Variants in ARHGAP15 observed in about 807,000 individuals in gnomAD.
The protein encoded by ARHGAP15 is rho GTPase-activating protein 15.
ARHGAP15 carries 51 observed loss-of-function variants against 63.7 expected under a neutral mutation model. The ratio of observed to expected loss-of-function variants is 0.80; its 90% CI spans 0.64 to 1.01. The LOEUF is 1.01. Among genes scored for constraint, ARHGAP15 ranks in the 50% least tolerant of loss-of-function variants. The pLI is 0.00. For synonymous variants in ARHGAP15, 191 were observed against 193.8 expected (o/e 0.99, Z 0.12); for missense variants, 560 against 564.6 (o/e 0.99, Z 0.08).
intron 6 of ARHGAP15, among the ~76,000 whole-genome samples, chr2:143,315,733 C>A (rs1219912931): frequency 6.6e-6 from 1 of 152,038 alleles, no homozygotes; most frequent in Non-Finnish European, 1.5e-5. Context: ...TAAAAAATGA[C>A]AAGTCGTGTT....
chr2:143,371,399 C>A (rs1686543894), intron 6 of ARHGAP15, among the ~76,000 whole-genome samples: 2 of 152,168 alleles, frequency 1.3e-5, no homozygotes, highest in Non-Finnish European at 2.9e-5. Context: ...TCTAGAGTTT[C>A]TACATGAGAC....
intron 13 of ARHGAP15, among the ~76,000 whole-genome samples, chr2:143,764,117 G>A (rs548395462): frequency 9.8e-4 from 149 of 152,178 alleles, no homozygotes; most frequent in African/African-American, 3.3e-3. Flanking sequence ...AATGGAAAAC[G>A]TGCAGGGAAA....
intron 2 of ARHGAP15, among the ~76,000 whole-genome samples, chr2:143,198,959 C>T (rs905289565): frequency 6.6e-6 from 1 of 152,074 alleles, no homozygotes; most frequent in African/African-American, 2.4e-5. Context: ...GGAACTCTTC[C>T]ACTCTTGAAA....
intron 2 of ARHGAP15, among the ~76,000 whole-genome samples, chr2:143,157,725 T>G (rs1448879800): frequency 6.6e-6 from 1 of 151,750 alleles, no homozygotes; most frequent in Non-Finnish European, 1.5e-5. Flanking sequence ...CATCTCTTTT[T>G]TCCATGCACA....
intron 10 of ARHGAP15, among the ~76,000 whole-genome samples, chr2:143,544,982 C>A (rs1026344594): frequency 6.6e-6 from 1 of 152,188 alleles, no homozygotes; most frequent in Non-Finnish European, 1.5e-5. Context: ...TGGTTAGGAG[C>A]ACCTTCTTCT....
chr2:143,739,964 C>A (rs1343694928), intron 13 of ARHGAP15, among the ~76,000 whole-genome samples: 1 of 152,186 alleles, frequency 6.6e-6, no homozygotes, highest in Non-Finnish European at 1.5e-5. Context: ...TCTGCCCCAA[C>A]ACTCTACTTT....
intron 2 of ARHGAP15, among the ~76,000 whole-genome samples, chr2:143,191,068 C>T (rs1431892435): frequency 6.6e-6 from 1 of 152,208 alleles, no homozygotes; most frequent in Middle Eastern, 3.2e-3. Context: ...CGCACCCGGC[C>T]CACCTATCTA....
At chr2:143,153,843 T>TTCCTCTTCCTCCTCCTCCTCCTCCTCC (rs1558779624) in intron 1 of ARHGAP15, among the ~76,000 whole-genome samples, 5 of 86,892 alleles carry the variant, frequency 5.8e-5, no homozygotes, top group African/African-American at 2.4e-4. Flanking sequence ...CTTCTTCTTC[T>TTCCTCTTCCTCCTCCTCCTCCTCCTCC]TCCTCCTCCT....
At chr2:143,362,634 C>T (rs549245227) in intron 6 of ARHGAP15, among the ~76,000 whole-genome samples, 1 of 152,278 alleles carries the variant, frequency 6.6e-6, no homozygotes, top group South Asian at 2.1e-4. Flanking sequence ...GCATCTTAAA[C>T]TAACAAGACT....
At chr2:143,290,328 G>A (rs989492925) in intron 6 of ARHGAP15, among the ~76,000 whole-genome samples, 3 of 151,994 alleles carry the variant, frequency 2.0e-5, no homozygotes, top group Non-Finnish European at 4.4e-5. Flanking sequence ...AAGCGCTTAC[G>A]GCTGGTAATG....
At chr2:143,193,935 T>C (rs970157254) in intron 2 of ARHGAP15, among the ~76,000 whole-genome samples, 1 of 152,240 alleles carries the variant, frequency 6.6e-6, no homozygotes, top group African/African-American at 2.4e-5. Context: ...GTAAACTTCC[T>C]ATTTCAACGA....
intron 6 of ARHGAP15, among the ~76,000 whole-genome samples, chr2:143,272,794 CCT>C (rs1222426125): frequency 6.6e-6 from 1 of 152,164 alleles, no homozygotes; most frequent in Non-Finnish European, 1.5e-5. Context: ...TAAGGCCTGA[CCT>C]CTTTTGTTTT....
At chr2:143,135,929 C>A (rs906355687) in intron 1 of ARHGAP15, among the ~76,000 whole-genome samples, 4 of 152,128 alleles carry the variant, frequency 2.6e-5, no homozygotes, top group African/African-American at 7.2e-5. Flanking sequence ...AAGACCAAAT[C>A]TTTTCTCTTA....
chr2:143,273,255 CTTTCA>C (rs1181575945), intron 6 of ARHGAP15, among the ~76,000 whole-genome samples: 1 of 151,974 alleles, frequency 6.6e-6, no homozygotes, highest in Non-Finnish European at 1.5e-5. Flanking sequence ...GGTGGGAATA[CTTTCA>C]TTTAACAAAT....
intron 6 of ARHGAP15, among the ~76,000 whole-genome samples, chr2:143,406,702 A>G (rs887336525): frequency 6.6e-6 from 1 of 151,952 alleles, no homozygotes; most frequent in African/African-American, 2.4e-5. Context: ...GACTACTTCT[A>G]TGGTAGCACT....
At chr2:143,666,143 G>A (rs1199330836) in intron 12 of ARHGAP15, among the ~76,000 whole-genome samples, 10 of 151,546 alleles carry the variant, frequency 6.6e-5, no homozygotes, top group Admixed American at 3.3e-4. Flanking sequence ...AAAGCTGGAG[G>A]CATCACACTA....
rs556732745 is a variant in ARHGAP15 at position 143,137,693 on chromosome 2, T to A, written c.-15+8227T>A. On this transcript the variant is annotated intron_variant, in intron 1 of 13. Transcript: ENST00000295095. ...CCATGGTATTAAAATTGACTAATTT[T>A]ATGTTCACTTTAAATCCATTTCCTA... is the stretch of plus-strand genomic sequence containing the variant. Among the ~76,000 whole-genome samples the A allele has an allele frequency of 1.2e-3, 190 of 152,190 alleles. 1 individual carries two copies. The highest frequency in any genetic ancestry group is 4.4e-3 in the African/African-American group (183 of 41,568).
Position 143,703,468 on chromosome 2 carries a change from A to G in ARHGAP15, c.1188A>G (p.Gln396=). 1 of 1,612,780 alleles carries G rather than the reference A, an allele frequency of 6.2e-7. No individual in the cohort carries two copies. The highest frequency in any genetic ancestry group is 8.5e-7 in the Non-Finnish European group (1 of 1,179,454). The change falls in exon 13 of 14, where the codon CAA becomes CAG. Residue 396 remains glutamine (Q), a synonymous_variant. Coordinates refer to ENST00000295095, the MANE Select transcript of ARHGAP15 (RefSeq NM_018460.4). ...TRIEAVKSLV[Q]KLPPPNRDTM... ...TTGAAGCTGTAAAATCTCTTGTACA[A>G]AAACTCCCTCCGCCAAATCGTGACA...
Position 143,487,478 on chromosome 2 carries a change from A to T in ARHGAP15, c.809A>T (p.Glu270Val). Residue 270 changes from glutamate (E) to valine (V), a missense_variant, in exon 9 of 14, where the codon GAA (glutamate) becomes GTA (valine). Physicochemically the swap from Glu to Val is moderately radical, Grantham distance 121. Transcript: ENST00000295095. ...TRRPSLKTLQ[E>V]KGLIKDQIFG... ...AGACCTTCCCTGAAAACTCTGCAAG[A>T]AAAAGGACTTATTAAAGGTACAGGT... 6.2e-7 allele frequency: 1 copy of T among 1,612,460 alleles called. No homozygotes were observed.
Sources: allele counts gnomAD v4.1 joint callset (sites outside exome capture counted in the v4.1 genomes callset), GRCh38; gene constraint gnomAD v4.1.1; transcripts MANE v1.5; gene names NCBI Gene and HGNC (gene_info 2026-07-23, HGNC 2026-07-21).